Variants in CNOT10 observed in about 807,000 individuals in gnomAD.
CNOT10 encodes CCR4-NOT transcription complex subunit 10.
In CNOT10, 30 loss-of-function variants were observed where a neutral mutation model predicts 94.6. That is an observed-to-expected ratio of 0.32 (90% confidence interval 0.24 to 0.43). The LOEUF (loss-of-function observed/expected upper bound fraction) is 0.43, where lower values mean the gene tolerates loss of function less well. Ranked by LOEUF, CNOT10 falls within the 20% of genes least tolerant of loss-of-function variation. CNOT10 has a pLI of 1.00. For missense variants in CNOT10, 759 were observed against 877.2 expected (o/e 0.87, Z 1.70); for synonymous variants, 289 against 301.6 (o/e 0.96, Z 0.43).
chr3:32,722,643 A>C (rs867722332), intron 8 of CNOT10, among the ~76,000 whole-genome samples: 2 of 152,158 alleles, frequency 1.3e-5, no homozygotes, highest in Non-Finnish European at 1.5e-5. Context: ...ACTGCACTCC[A>C]GCCTGGGCAA....
intron 13 of CNOT10, among the ~76,000 whole-genome samples, chr3:32,748,085 T>C (rs938049269): frequency 6.6e-6 from 1 of 152,218 alleles, no homozygotes; most frequent in African/African-American, 2.4e-5. Flanking sequence ...GTGAAACTCC[T>C]AGGCTGAAGC....
Position 32,734,866 on chromosome 3 carries a change from C to T in CNOT10, c.1404C>T (p.Ala468=). Residue 468 remains alanine (A), a synonymous_variant, in exon 12 of 19, where the codon GCC becomes GCT. Coordinates refer to ENST00000328834, the MANE Select transcript of CNOT10 (RefSeq NM_015442.3). ...TTGCAGCCATATGTCTCAGAAATGC[C>T]TTGTTGCTGCTACCTGAAGAACAGC... ...MEFAAICLRN[A]LLLLPEEQQD... 2 of 1,613,952 alleles carry T rather than the reference C, an allele frequency of 1.2e-6. No individual in the cohort carries two copies. Among genetic ancestry groups the T allele is most frequent in the Non-Finnish European group, 1.7e-6 (2 of 1,179,920 alleles).
chr3:32,689,237 C>T (rs1361060424), intron 1 of CNOT10, among the ~76,000 whole-genome samples: 1 of 151,784 alleles, frequency 6.6e-6, no homozygotes, highest in Non-Finnish European at 1.5e-5. Flanking sequence ...CCTGTATTCC[C>T]AGCTACTCGG....
At chr3:32,772,646 G>A (rs971742736) in intron 18 of CNOT10, among the ~76,000 whole-genome samples, 7 of 152,108 alleles carry the variant, frequency 4.6e-5, no homozygotes, top group African/African-American at 1.2e-4. Flanking sequence ...GCAGTGAGCC[G>A]TAATCGCCCC....
chr3:32,695,422 G>T, intron 1 of CNOT10: 2 of 623,344 alleles, frequency 3.2e-6, no homozygotes, highest in South Asian at 2.9e-5. Context: ...TTTTTTCTTT[G>T]GAAAAGTTTT....
At chr3:32,727,902 T>G (rs749112007) in intron 10 of CNOT10, 32 bp downstream of exon 10, 1 of 1,529,078 alleles carries the variant, frequency 6.5e-7, no homozygotes. Context: ...TTTTAAACCC[T>G]GTCTTCTCCC....
At chr3:32,737,313 CAA>C in intron 12 of CNOT10, 95 bp from the exon 13 acceptor site, 2 of 743,014 alleles carry the variant, frequency 2.7e-6, no homozygotes, top group Non-Finnish European at 4.4e-6. Flanking sequence ...AACTCTGTCT[CAA>C]AAAAAAAGTT....
At chr3:32,695,489 C>T in intron 1 of CNOT10, 1 of 1,304,708 alleles carries the variant, frequency 7.7e-7, no homozygotes, top group South Asian at 1.5e-5. Flanking sequence ...GTAGTCTCCA[C>T]CAATCAGATT....
At chr3:32,709,331 A>G (rs1697764668) in intron 4 of CNOT10, among the ~76,000 whole-genome samples, 1 of 152,238 alleles carries the variant, frequency 6.6e-6, no homozygotes, top group African/African-American at 2.4e-5. Context: ...AGCAAAGGAG[A>G]AAGCTAGACC....
At chr3:32,763,052 C>T (rs1700518921) in intron 15 of CNOT10, among the ~76,000 whole-genome samples, 189 bp downstream of exon 15, 1 of 152,218 alleles carries the variant, frequency 6.6e-6, no homozygotes, top group Non-Finnish European at 1.5e-5. Context: ...ATGATCACAT[C>T]ATCTAAATTC....
At chr3:32,742,080 C>A (rs557661445) in intron 13 of CNOT10, among the ~76,000 whole-genome samples, 3 of 149,850 alleles carry the variant, frequency 2.0e-5, no homozygotes, top group African/African-American at 7.4e-5. Flanking sequence ...CTCAGCCTCC[C>A]GAGTAGCTAG....
intron 13 of CNOT10, among the ~76,000 whole-genome samples, chr3:32,748,364 AAC>A (rs1400167210): frequency 1.3e-5 from 2 of 152,196 alleles, no homozygotes; most frequent in Non-Finnish European, 2.9e-5. Flanking sequence ...GGAATCTTAG[AAC>A]ACAGTTTCTT....
intron 13 of CNOT10, among the ~76,000 whole-genome samples, chr3:32,759,170 T>TAC (rs1559515423): frequency 3.5e-4 from 53 of 151,742 alleles, no homozygotes; most frequent in African/African-American, 1.1e-3. Flanking sequence ...TCTATACATA[T>TAC]ATACATACAT....
chr3:32,753,696 A>G, intron 13 of CNOT10: 3 of 1,588,020 alleles, frequency 1.9e-6, no homozygotes, highest in Non-Finnish European at 2.6e-6. Flanking sequence ...TCAAAGAAGA[A>G]GAAAATAATG....
chr3:32,754,461 A>G (rs1177179474), intron 13 of CNOT10, among the ~76,000 whole-genome samples: 3 of 106,008 alleles, frequency 2.8e-5, no homozygotes, highest in Admixed American at 1.1e-4. Flanking sequence ...TGGGCGACAG[A>G]GCAAGACTCC....
At chr3:32,712,875 A>G (rs1367471419) in intron 4 of CNOT10, among the ~76,000 whole-genome samples, 1 of 152,166 alleles carries the variant, frequency 6.6e-6, no homozygotes, top group Non-Finnish European at 1.5e-5. Flanking sequence ...GAGGATTACA[A>G]ATTTCAGATT....
rs957065232 is a variant in CNOT10 at position 32,756,445 on chromosome 3, G to T, written c.1596-3013G>T. On this transcript the variant is annotated intron_variant, in intron 13 of 18. Coordinates refer to ENST00000328834, the MANE Select transcript of CNOT10 (RefSeq NM_015442.3). ...TGACTGATTTCTGGACCCAAAGTGG[G>T]TTTGACAGTGGGCTGGAGCAGTAAT... Among the ~76,000 whole-genome samples, 44 of 152,176 alleles carry T rather than the reference G, an allele frequency of 2.9e-4. 1 individual carries two copies.
At chr3:32,738,695 G>A (rs111956008) in intron 13 of CNOT10, among the ~76,000 whole-genome samples, 16 of 151,428 alleles carry the variant, frequency 1.1e-4, no homozygotes, top group Non-Finnish European at 2.2e-4. Flanking sequence ...ATCTCCTGAC[G>A]TCGTGATCCA....
chr3:32,691,335 G>A (rs1696840996), intron 1 of CNOT10, among the ~76,000 whole-genome samples: 1 of 151,810 alleles, frequency 6.6e-6, no homozygotes, highest in African/African-American at 2.4e-5. Flanking sequence ...CTAATTTTTT[G>A]TATTTTTAGT....
Sources: gnomAD v4.1 joint callset for allele counts (sites outside exome capture counted in the v4.1 genomes callset) on GRCh38, gnomAD v4.1.1 for gene constraint, MANE v1.5 for transcripts, NCBI Gene and HGNC (gene_info 2026-07-23, HGNC 2026-07-21) for gene names.